Variants in ITGBL1 observed in about 807,000 individuals in gnomAD.
ITGBL1 encodes integrin beta-like protein 1.
In ITGBL1, 51 loss-of-function variants were observed where a neutral mutation model predicts 68.5. The ratio of observed to expected loss-of-function variants is 0.74; its 90% confidence interval spans 0.59 to 0.94. The LOEUF is 0.94. ITGBL1 is among the 40% of genes least tolerant of loss of function. The pLI is 0.00. For missense variants in ITGBL1, 649 were observed against 647.4 expected, an observed-to-expected ratio of 1.00 and a Z score of -0.03; for synonymous variants, 209 against 227.3, an observed-to-expected ratio of 0.92 and a Z score of 0.72.
chr13:101,579,401 C>T lies in ITGBL1; in HGVS notation c.701C>T (p.Pro234Leu), dbSNP rs924559883. Residue 234 changes from proline to leucine, a missense_variant, in exon 5 of 11, where the codon CCA (proline) becomes CTA (leucine). Physicochemically the swap from Pro to Leu is moderately conservative, Grantham distance 98. Coordinates refer to ENST00000376180, the MANE Select transcript of ITGBL1 (RefSeq NM_004791.3). Reference protein sequence around the residue: ...PWESKRRCTSPDGKICSNRGT... With the variant: ...PWESKRRCTSLDGKICSNRGT... Reference sequence around the variant, plus strand: ...GAAAGCAAGCGAAGATGCACGTCTCCAGATGGCAAAATCTGCAGTAACAGA... The same window carrying T: ...GAAAGCAAGCGAAGATGCACGTCTCTAGATGGCAAAATCTGCAGTAACAGA... The T allele has an allele frequency of 6.8e-6, 11 of 1,613,770 alleles. No individual in the cohort carries two copies. Among genetic ancestry groups the T allele is most frequent in the Middle Eastern group, 1.6e-4 (1 of 6,062 alleles).
intron 2 of ITGBL1, among the ~76,000 whole-genome samples, chr13:101,508,984 A>G (rs1474532991): frequency 6.6e-6 from 1 of 152,206 alleles, no homozygotes; most frequent in Non-Finnish European, 1.5e-5. Context: ...AACATAAATC[A>G]CAAACAAAAA....
At chr13:101,693,270 A>G (rs1055939449) in intron 8 of ITGBL1, among the ~76,000 whole-genome samples, 2 of 152,188 alleles carry the variant, frequency 1.3e-5, no homozygotes, top group Non-Finnish European at 2.9e-5. Flanking sequence ...ATGGCTGGGA[A>G]TGTGGGTCAA....
chr13:101,459,222 G>T (rs1005738582), intron 2 of ITGBL1, among the ~76,000 whole-genome samples: 3 of 152,298 alleles, frequency 2.0e-5, no homozygotes, highest in Non-Finnish European at 2.9e-5. Flanking sequence ...TTTGGGGCAG[G>T]ATGGGAATCT....
Position 101,674,131 on chromosome 13 carries a change from T to C in ITGBL1, c.1016-18454T>C, listed in dbSNP as rs979043465. On this transcript the variant is annotated intron_variant, in intron 7 of 10. Coordinates refer to ENST00000376180, the MANE Select transcript of ITGBL1 (RefSeq NM_004791.3). ...GCACAATTGCCTGATAATAAGACTT[T>C]GACAAAACTACAATCATATACAAAG... Among the ~76,000 whole-genome samples, 24 of 152,208 alleles carry C rather than the reference T, an allele frequency of 1.6e-4. 1 individual carries two copies. The highest frequency in any genetic ancestry group is 4.6e-4 in the African/African-American group (19 of 41,454).
chr13:101,469,750 G>A (rs1252455355), intron 2 of ITGBL1, among the ~76,000 whole-genome samples: 1 of 152,102 alleles, frequency 6.6e-6, no homozygotes, highest in Non-Finnish European at 1.5e-5. Flanking sequence ...AGACCTATGA[G>A]TGGCAATGCG....
At chr13:101,697,620 G>A (rs1267943210) in intron 8 of ITGBL1, among the ~76,000 whole-genome samples, 1 of 152,144 alleles carries the variant, frequency 6.6e-6, no homozygotes, top group South Asian at 2.1e-4. Flanking sequence ...CCTGCTTATT[G>A]TAGTAACTTG....
intron 2 of ITGBL1, among the ~76,000 whole-genome samples, chr13:101,494,050 A>G (rs936793648): frequency 6.6e-6 from 1 of 152,184 alleles, no homozygotes; most frequent in Non-Finnish European, 1.5e-5. Context: ...GAGGAGACAC[A>G]TTGTTTACCT....
chr13:101,456,357 C>G (rs2048244387), intron 2 of ITGBL1, among the ~76,000 whole-genome samples: 1 of 152,228 alleles, frequency 6.6e-6, no homozygotes, highest in Non-Finnish European at 1.5e-5. Context: ...CAAGTAGCAC[C>G]TAGGGCTGCC....
intron 7 of ITGBL1, among the ~76,000 whole-genome samples, chr13:101,600,685 A>G (rs989167230): frequency 2.0e-5 from 3 of 152,164 alleles, no homozygotes; most frequent in African/African-American, 7.2e-5. Context: ...TTCTGCATGT[A>G]TTGAGATAAT....
At chr13:101,503,081 G>T (rs1165325646) in intron 2 of ITGBL1, among the ~76,000 whole-genome samples, 1 of 152,174 alleles carries the variant, frequency 6.6e-6, no homozygotes, top group African/African-American at 2.4e-5. Flanking sequence ...AGCAAGTGCT[G>T]TGTTCCACCA....
intron 8 of ITGBL1, among the ~76,000 whole-genome samples, chr13:101,700,160 T>G (rs2034102646): frequency 6.6e-6 from 1 of 152,208 alleles, no homozygotes; most frequent in African/African-American, 2.4e-5. Flanking sequence ...AGCTGCTTAC[T>G]TGACCTCACT....
At chr13:101,524,947 A>G (rs1393116778) in intron 2 of ITGBL1, among the ~76,000 whole-genome samples, 3 of 152,138 alleles carry the variant, frequency 2.0e-5, no homozygotes, top group African/African-American at 4.8e-5. Flanking sequence ...ACCTTGGCAC[A>G]TGGTTGGCAC....
At chr13:101,596,931 C>T (rs563783060) in intron 6 of ITGBL1, among the ~76,000 whole-genome samples, 26 of 152,034 alleles carry the variant, frequency 1.7e-4, no homozygotes, top group Admixed American at 4.6e-4. Flanking sequence ...GGGAGAGGGA[C>T]GGATGACTAG....
At chr13:101,501,362 G>C (rs1181595662) in intron 2 of ITGBL1, among the ~76,000 whole-genome samples, 1 of 152,118 alleles carries the variant, frequency 6.6e-6, no homozygotes, top group Non-Finnish European at 1.5e-5. Context: ...CTGTTGGTGT[G>C]GCTAGACTTA....
intron 7 of ITGBL1, among the ~76,000 whole-genome samples, chr13:101,642,231 C>G (rs1439555151): frequency 6.6e-6 from 1 of 151,990 alleles, no homozygotes; most frequent in Non-Finnish European, 1.5e-5. Context: ...CTTGTTGTTT[C>G]CTGACTTTTT....
intron 2 of ITGBL1, among the ~76,000 whole-genome samples, chr13:101,498,051 A>C (rs909524022): frequency 6.6e-6 from 1 of 152,054 alleles, no homozygotes. Context: ...AAGGTTTTCC[A>C]TTCAGTTTTA....
chr13:101,600,772 A>G (rs2030321133), intron 7 of ITGBL1, among the ~76,000 whole-genome samples: 1 of 152,194 alleles, frequency 6.6e-6, no homozygotes. Context: ...CCAGCCTTGC[A>G]TCCCAGGGAT....
chr13:101,715,179 C>G (rs778061299), intron 10 of ITGBL1: 1 of 184,226 alleles, frequency 5.4e-6, no homozygotes, highest in African/African-American at 2.4e-5. Context: ...ATCCTTACTA[C>G]GTAAGACTCT....
chr13:101,573,548 A>C (rs1182284902), intron 3 of ITGBL1, among the ~76,000 whole-genome samples: 1 of 152,126 alleles, frequency 6.6e-6, no homozygotes. Context: ...AAGAGGAAGA[A>C]CCCAAATTTT....
Sources: gnomAD v4.1 joint callset for allele counts (sites outside exome capture counted in the v4.1 genomes callset) on GRCh38, gnomAD v4.1.1 for gene constraint, MANE v1.5 for transcripts, NCBI Gene and HGNC (gene_info 2026-07-23, HGNC 2026-07-21) for gene names.